Variants in RIMS2 observed in about 807,000 individuals in gnomAD.
RIMS2 encodes the protein regulating synaptic membrane exocytosis 2.
In RIMS2, 59 loss-of-function variants were observed where a neutral mutation model predicts 174.4. The ratio of observed to expected loss-of-function variants is 0.34; its 90% CI spans 0.27 to 0.42. The LOEUF (loss-of-function observed/expected upper bound fraction) is 0.42, where lower values mean the gene tolerates loss of function less well. Ranked by LOEUF, RIMS2 falls within the 10% of genes least tolerant of loss-of-function variation. The probability of loss-of-function intolerance (pLI) is 1.00; values close to 1 mark genes in which losing one functional copy is unlikely to be tolerated. For missense variants in RIMS2, 1,620 were observed against 1,666.3 expected (o/e 0.97, Z 0.48); for synonymous variants, 606 against 572.5 (o/e 1.06, Z -0.84).
chr8:103,768,441 G>T, intron 3 of RIMS2: 2 of 768,174 alleles, frequency 2.6e-6, no homozygotes, highest in East Asian at 4.9e-5. Context: ...CTAATCAGTG[G>T]TGGGAATGAC....
intron 2 of RIMS2, among the ~76,000 whole-genome samples, chr8:103,698,590 T>C (rs2097133435): frequency 1.3e-5 from 2 of 152,218 alleles, no homozygotes; most frequent in African/African-American, 4.8e-5. Context: ...GGGATAAACC[T>C]CATTTTGTCA....
chr8:103,637,215 T>C (rs1168420162), intron 1 of RIMS2, among the ~76,000 whole-genome samples: 1 of 152,212 alleles, frequency 6.6e-6, no homozygotes, highest in Non-Finnish European at 1.5e-5. Context: ...CACTTTGTTC[T>C]GTAGTCTCAA....
At chr8:104,217,586 C>T (rs961266899) in intron 19 of RIMS2, among the ~76,000 whole-genome samples, 1 of 152,060 alleles carries the variant, frequency 6.6e-6, no homozygotes, top group African/African-American at 2.4e-5. Context: ...GTTTTTTGAC[C>T]TCATCAATTT....
At chr8:103,961,006 A>G in intron 14 of RIMS2, 59 bp from the exon 17 acceptor site, 1 of 874,052 alleles carries the variant, frequency 1.1e-6, no homozygotes, top group Non-Finnish European at 1.9e-6. Flanking sequence ...CAGGTGTTTG[A>G]GGAATTTTCT....
In RIMS2 at chr8:104,206,442, G is replaced by T. The variant is rs138912733; in HGVS notation, c.3335-38474G>T. Among the ~76,000 whole-genome samples, 696 of 152,276 alleles carry T rather than the reference G, an allele frequency of 4.6e-3. 8 individuals are homozygous for T. Among genetic ancestry groups the T allele is most frequent in the African/African-American group, 0.016 (654 of 41,548 alleles). ...ATTTTTGTAGATGTATATCATGGGA[G>T]ATGTTGCCTTGGATCAGTGTCAGAA... On this transcript the variant is annotated intron_variant, in intron 19 of 23. Coordinates refer to ENST00000504942, the Ensembl canonical transcript of RIMS2.
chr8:103,608,834 C>T (rs1056412990), intron 1 of RIMS2, among the ~76,000 whole-genome samples: 8 of 152,252 alleles, frequency 5.3e-5, no homozygotes, highest in African/African-American at 1.7e-4. Flanking sequence ...GAGGCAATGC[C>T]TCGCCCTGCT....
At position 103,910,305 on chromosome 8, in the gene RIMS2, T is replaced by A. The variant is rs776508935; in HGVS notation, c.1692+104T>A. 1.0e-5 allele frequency: 16 copies of A among 1,529,870 alleles called. No individual in the cohort carries two copies. The highest frequency in any genetic ancestry group is 1.3e-5 in the Non-Finnish European group (15 of 1,129,726). 94.8% of individuals were successfully genotyped at this position (1,529,870 alleles called of 1,614,324 possible). On this transcript the variant is annotated intron_variant, in intron 5 of 23. Coordinates refer to ENST00000504942, the Ensembl canonical transcript of RIMS2. ...CTTTTTTGTATCTTTTTTTTTTTTT[T>A]ATCCCATACCTGTAGGGGACAGTCA...
intron 2 of RIMS2, among the ~76,000 whole-genome samples, chr8:103,707,873 T>C (rs2097252843): frequency 6.6e-6 from 1 of 152,204 alleles, no homozygotes; most frequent in Non-Finnish European, 1.5e-5. Flanking sequence ...TATTTCCTTT[T>C]GGCCTAGGGT....
chr8:104,079,025 TTAAGCCAGGAAATATAAAAAGACTA>T (rs2097354857), intron 19 of RIMS2, among the ~76,000 whole-genome samples: 1 of 152,144 alleles, frequency 6.6e-6, no homozygotes, highest in African/African-American at 2.4e-5. Context: ...TATTCACATT[TTAAGCCAGGAAATATAAAAAGACTA>T]TTTTTAATTA....
At chr8:104,070,915 C>G (rs1247567278) in intron 19 of RIMS2, among the ~76,000 whole-genome samples, 1 of 152,086 alleles carries the variant, frequency 6.6e-6, no homozygotes, top group South Asian at 2.1e-4. Context: ...TGGGCAATGT[C>G]AACCCTGAGC....
chr8:104,135,612 T>TAAAA (rs2098512268), intron 19 of RIMS2, among the ~76,000 whole-genome samples: 1 of 28,688 alleles, frequency 3.5e-5, no homozygotes, highest in Admixed American at 4.9e-4. Context: ...TCTCCCAACC[T>TAAAA]CAAAAAAAAA....
intron 3 of RIMS2, among the ~76,000 whole-genome samples, chr8:103,863,317 AC>A (rs2099068204): frequency 6.6e-6 from 1 of 152,140 alleles, no homozygotes; most frequent in South Asian, 2.1e-4. Flanking sequence ...AATAAAGCCA[AC>A]CTGATTGTGG....
intron 1 of RIMS2, among the ~76,000 whole-genome samples, chr8:103,535,485 C>A (rs75519457): frequency 0.12 from 18,897 of 152,090 alleles, 1,277 homozygotes; most frequent in Middle Eastern, 0.22. Context: ...ATGTGTAGCC[C>A]CATTATTGAG....
intron 1 of RIMS2, among the ~76,000 whole-genome samples, chr8:103,569,895 G>A (rs974804514): frequency 6.6e-6 from 1 of 151,742 alleles, no homozygotes; most frequent in Non-Finnish European, 1.5e-5. Flanking sequence ...AGCTTCCCGA[G>A]TTGCTGGGAT....
chr8:103,589,381 T>C (rs756536855), intron 1 of RIMS2, among the ~76,000 whole-genome samples: 4 of 151,568 alleles, frequency 2.6e-5, no homozygotes, highest in Non-Finnish European at 5.9e-5. Context: ...TAGTGAGATA[T>C]CATCTCACTC....
intron 19 of RIMS2, among the ~76,000 whole-genome samples, chr8:104,227,461 T>C (rs1236405177): frequency 6.6e-6 from 1 of 152,122 alleles, no homozygotes; most frequent in East Asian, 1.9e-4. Context: ...GTGTAGAGTT[T>C]TCAAACATTA....
intron 19 of RIMS2, among the ~76,000 whole-genome samples, chr8:104,219,882 T>C (rs967890729): frequency 2.0e-5 from 3 of 152,184 alleles, no homozygotes; most frequent in African/African-American, 7.2e-5. Context: ...TTCAATCTTT[T>C]ATCAGTAGTT....
chr8:103,544,852 C>T (rs1016558794), intron 1 of RIMS2, among the ~76,000 whole-genome samples: 3 of 152,084 alleles, frequency 2.0e-5, no homozygotes. Flanking sequence ...CACAATCAAA[C>T]CATCAAGGGC....
At chr8:103,982,113 C>G (rs1401349323) in intron 16 of RIMS2, among the ~76,000 whole-genome samples, 1 of 152,080 alleles carries the variant, frequency 6.6e-6, no homozygotes, top group Non-Finnish European at 1.5e-5. Context: ...TAATTAGTGG[C>G]TGCTGTGAGC....
Sources: gnomAD v4.1 joint callset for allele counts (sites outside exome capture counted in the v4.1 genomes callset) on GRCh38, gnomAD v4.1.1 for gene constraint, MANE v1.5 for transcripts, NCBI Gene and HGNC (gene_info 2026-07-23, HGNC 2026-07-21) for gene names.